GABBR2: variants seen among roughly 807,000 people sequenced by gnomAD.
The protein encoded by GABBR2 is G-protein coupled receptor 51.
GABBR2 carries 23 observed loss-of-function variants against 105.6 expected under a neutral mutation model. That is an observed-to-expected ratio of 0.22 (90% CI 0.16 to 0.31). The LOEUF is 0.31. GABBR2 is among the 10% of genes least tolerant of loss of function. The pLI is 1.00. For missense variants in GABBR2, 734 were observed against 1,245.5 expected, an observed-to-expected ratio of 0.59 and a Z score of 6.18; for synonymous variants, 478 against 499.7, an observed-to-expected ratio of 0.96 and a Z score of 0.58.
intron 1 of GABBR2, among the ~76,000 whole-genome samples, chr9:98,686,166 C>G (rs1290206838): frequency 6.6e-6 from 1 of 152,142 alleles, no homozygotes; most frequent in African/African-American, 2.4e-5. Flanking sequence ...CAGGTGATGT[C>G]TGATATCTCC....
intron 4 of GABBR2, among the ~76,000 whole-genome samples, chr9:98,495,022 C>T (rs1036913536): frequency 6.6e-6 from 1 of 152,220 alleles, no homozygotes; most frequent in Non-Finnish European, 1.5e-5. Context: ...GCCCCAGATG[C>T]TTCCTGCAGA....
At chr9:98,356,468 A>C (rs1831485364) in intron 13 of GABBR2, among the ~76,000 whole-genome samples, 1 of 152,222 alleles carries the variant, frequency 6.6e-6, no homozygotes, top group Non-Finnish European at 1.5e-5. Flanking sequence ...AGATACAAGC[A>C]CACACCTATT....
chr9:98,580,926 C>G (rs1482066213), intron 1 of GABBR2, among the ~76,000 whole-genome samples: 1 of 152,168 alleles, frequency 6.6e-6, no homozygotes, highest in African/African-American at 2.4e-5. Context: ...TCTCCACCTT[C>G]CCCTTAAGTG....
chr9:98,372,207 AACAGGC>A (rs1348111451), intron 11 of GABBR2, among the ~76,000 whole-genome samples: 71 of 152,332 alleles, frequency 4.7e-4, no homozygotes, highest in African/African-American at 1.4e-3. Context: ...TGAAGGCTGG[AACAGGC>A]TGGCCACCAC....
At chr9:98,586,674 G>A (rs1200943622) in intron 1 of GABBR2, among the ~76,000 whole-genome samples, 5 of 152,112 alleles carry the variant, frequency 3.3e-5, no homozygotes, top group African/African-American at 9.7e-5. Flanking sequence ...ACTCATTTCC[G>A]AACATACATA....
chr9:98,606,715 A>C (rs113096638), intron 1 of GABBR2: 3,624 of 233,756 alleles, frequency 0.016, 128 homozygotes, highest in African/African-American at 0.077. Context: ...CCTGACCTCA[A>C]GTGATCCGCC....
At chr9:98,348,656 G>A (rs985815300) in intron 13 of GABBR2, among the ~76,000 whole-genome samples, 2 of 152,014 alleles carry the variant, frequency 1.3e-5, no homozygotes, top group African/African-American at 4.8e-5. Flanking sequence ...CACTTCCTTG[G>A]TCAATTTATT....
intron 3 of GABBR2, among the ~76,000 whole-genome samples, chr9:98,521,649 G>A (rs1026797739): frequency 6.6e-6 from 1 of 152,078 alleles, no homozygotes; most frequent in South Asian, 2.1e-4. Flanking sequence ...AACAAGAAAG[G>A]CCCACACCAC....
chr9:98,600,735 T>C lies in GABBR2; in HGVS notation c.322-22663A>G, dbSNP rs118009601. Among the ~76,000 whole-genome samples, 5 of 152,316 alleles carry C rather than the reference T, an allele frequency of 3.3e-5. No individual in the cohort carries two copies. In the South Asian group the frequency reaches 6.2e-4, roughly 19 times the overall value. ...CAAGACTCCATCGTTGCGTGGCCCC[T>C]CACACCTAGCCAGTCTCAAGTCCCG... On this transcript the variant is annotated intron_variant, in intron 1 of 18. Coordinates refer to ENST00000259455, the MANE Select transcript of GABBR2 (RefSeq NM_005458.8).
Position 98,288,536 on chromosome 9 carries a change from T to C in GABBR2, c.*2048A>G, listed in dbSNP as rs989004573. The C allele has an allele frequency of 6.6e-6, 1 of 150,548 alleles. No individual in the cohort carries two copies. Among genetic ancestry groups the C allele is most frequent in the African/African-American group, 2.5e-5 (1 of 40,670 alleles). The allele number at this position is 150,548 out of a possible 1,614,324, so 9.3% of individuals were successfully genotyped here. A position where few individuals can be genotyped will look rare whatever the true frequency, so the allele number is the denominator to read the frequency against. ...TATGCTGGAATAATATTTCTACAGG[T>C]ATTTTTTTTTGTGTGTGTGTATACA... On this transcript the variant is annotated 3_prime_UTR_variant, in exon 19 of 19. Coordinates refer to ENST00000259455, the MANE Select transcript of GABBR2 (RefSeq NM_005458.8).
chr9:98,516,653 C>A lies in GABBR2; in HGVS notation c.631-20139G>T, dbSNP rs569381571. Among the ~76,000 whole-genome samples, 23 of 152,306 alleles carry A rather than the reference C, an allele frequency of 1.5e-4. No homozygotes were observed. In the East Asian group the frequency reaches 4.2e-3, roughly 28 times the overall value. On this transcript the variant is annotated intron_variant, in intron 3 of 18. Coordinates refer to ENST00000259455, the MANE Select transcript of GABBR2 (RefSeq NM_005458.8). ...GGCGCTGCTCCCACGCAGTACCCAG[C>A]CCCATTCCTGACCCCGAGGGTGGCA...
At chr9:98,637,084 G>T (rs1829889290) in intron 1 of GABBR2, among the ~76,000 whole-genome samples, 1 of 152,172 alleles carries the variant, frequency 6.6e-6, no homozygotes, top group Non-Finnish European at 1.5e-5. Flanking sequence ...TTGAAGAGCT[G>T]CAACCCTTAA....
At chr9:98,381,080 C>T (rs551948197) in intron 11 of GABBR2, among the ~76,000 whole-genome samples, 8 of 152,318 alleles carry the variant, frequency 5.3e-5, no homozygotes, top group South Asian at 2.1e-4. Context: ...TACACTGTGA[C>T]GAGGATGCAA....
intron 12 of GABBR2, among the ~76,000 whole-genome samples, chr9:98,371,127 T>C (rs1203342962): frequency 1.3e-5 from 2 of 152,128 alleles, no homozygotes; most frequent in Non-Finnish European, 2.9e-5. Flanking sequence ...GGATGGTTCC[T>C]TTGACAAGGT....
At chr9:98,480,612 G>A (rs1437515405) in intron 5 of GABBR2, among the ~76,000 whole-genome samples, 1 of 152,160 alleles carries the variant, frequency 6.6e-6, no homozygotes, top group Non-Finnish European at 1.5e-5. Context: ...ACAGGGCAGG[G>A]AGGGGGTCTG....
intron 13 of GABBR2, among the ~76,000 whole-genome samples, chr9:98,348,274 A>G (rs536561263): frequency 6.6e-6 from 1 of 152,192 alleles, no homozygotes; most frequent in East Asian, 1.9e-4. Flanking sequence ...GGGGCTTTCT[A>G]TTCTGTTCCG....
At chr9:98,331,402 T>TC (rs1831023297) in intron 13 of GABBR2, among the ~76,000 whole-genome samples, 2 of 144,878 alleles carry the variant, frequency 1.4e-5, no homozygotes, top group South Asian at 4.5e-4. Context: ...TCTTCTTTTT[T>TC]TTTTTTTTTT....
intron 1 of GABBR2, among the ~76,000 whole-genome samples, chr9:98,630,199 G>A (rs1291403177): frequency 6.6e-6 from 1 of 152,164 alleles, no homozygotes; most frequent in East Asian, 1.9e-4. Context: ...GGATCACTGG[G>A]TGAGAAGCAT....
At chr9:98,532,468 T>C (rs1828085135) in intron 3 of GABBR2, among the ~76,000 whole-genome samples, 1 of 152,218 alleles carries the variant, frequency 6.6e-6, no homozygotes, top group Non-Finnish European at 1.5e-5. Flanking sequence ...CTCTGTCTCC[T>C]AATGATAAAA....
Sources: gnomAD v4.1 joint callset for allele counts (sites outside exome capture counted in the v4.1 genomes callset) on GRCh38, gnomAD v4.1.1 for gene constraint, MANE v1.5 for transcripts, NCBI Gene and HGNC (gene_info 2026-07-23, HGNC 2026-07-21) for gene names.